Variants in ZNF616 observed in about 807,000 individuals in gnomAD.
ZNF616 encodes zinc finger protein 616.
A neutral mutation model predicts 7.6 loss-of-function variants in ZNF616; 5 were observed. The ratio of observed to expected loss-of-function variants is 0.66; its 90% CI spans 0.34 to 1.38. The LOEUF (loss-of-function observed/expected upper bound fraction) is 1.38. Ranked by LOEUF, ZNF616 falls within the 40% of genes most tolerant of loss-of-function variation. The pLI, the probability that ZNF616 is intolerant of heterozygous loss-of-function variation, is 0.04. For missense variants in ZNF616, 913 were observed against 948.3 expected, an observed-to-expected ratio of 0.96 and a Z score of 0.49; for synonymous variants, 319 against 317.2, an observed-to-expected ratio of 1.01 and a Z score of -0.06.
intron 1 of ZNF616, among the ~76,000 whole-genome samples, chr19:52,134,743 T>C (rs771736296): frequency 1.4e-4 from 21 of 152,100 alleles, no homozygotes; most frequent in Non-Finnish European, 7.4e-5. Context: ...ATTTGTTTTT[T>C]CCTTTACACC....
intron 3 of ZNF616, among the ~76,000 whole-genome samples, chr19:52,121,624 A>G (rs2088864865): frequency 6.6e-6 from 1 of 152,206 alleles, no homozygotes; most frequent in South Asian, 2.1e-4. Flanking sequence ...CAGATCTCCA[A>G]TGGAATGGAA....
chr19:52,137,684 G>C (rs1300554905), intron 1 of ZNF616, among the ~76,000 whole-genome samples: 3 of 152,144 alleles, frequency 2.0e-5, no homozygotes, highest in Non-Finnish European at 4.4e-5. Flanking sequence ...AAGAAGTTCT[G>C]AGGAATCTAA....
rs767075821 is a variant in ZNF616 at position 52,115,497 on chromosome 19, T to C, written c.1667A>G (p.Lys556Arg). 21 of 1,614,080 alleles carry C rather than the reference T, an allele frequency of 1.3e-5. No homozygotes were observed. The highest frequency in any genetic ancestry group is 1.4e-5 in the Non-Finnish European group (16 of 1,180,034). The change falls in exon 4 of 4, where the codon AAG (lysine) becomes AGG (arginine). Residue 556 changes from lysine to arginine, a missense_variant. Lys to Arg is a conservative substitution (Grantham distance 26). Coordinates refer to ENST00000600228, the MANE Select transcript of ZNF616 (RefSeq NM_178523.5). ...AAGACGTGAACATTGACTGAAGACC[T>C]TGCCACATTCTTTGCATTTGTAAGG... ...EKPYKCKECG[K>R]VFSQCSRLTV... is the part of the protein sequence containing the mutation.
Sources: allele counts gnomAD v4.1 joint callset (sites outside exome capture counted in the v4.1 genomes callset), GRCh38; gene constraint gnomAD v4.1.1; transcripts MANE v1.5; gene names NCBI Gene and HGNC (gene_info 2026-07-23, HGNC 2026-07-21).